The following AP3B1 variants were observed in gnomAD, a reference collection of about 807,000 sequenced individuals.
AP3B1 encodes adaptor related protein complex 3 subunit beta 1.
In AP3B1, 61 loss-of-function variants were observed where a neutral mutation model predicts 132.5. The observed-to-expected ratio is 0.46, with a 90% CI of 0.37 to 0.57. The LOEUF (loss-of-function observed/expected upper bound fraction) is 0.57. Ranked by LOEUF, AP3B1 falls within the 20% of genes least tolerant of loss-of-function variation. AP3B1 has a pLI of 0.00. For missense variants in AP3B1, 1,120 were observed against 1,289.4 expected, an observed-to-expected ratio of 0.87 and a Z score of 2.01; for synonymous variants, 388 against 438.3, an observed-to-expected ratio of 0.89 and a Z score of 1.43.
chr5:78,007,667 G>C (rs1166880928), intron 26 of AP3B1, among the ~76,000 whole-genome samples: 4 of 152,164 alleles, frequency 2.6e-5, no homozygotes, highest in African/African-American at 9.7e-5. Flanking sequence ...GTGATTTGGA[G>C]CGCTATCTGC....
intron 22 of AP3B1, among the ~76,000 whole-genome samples, chr5:78,066,542 C>G (rs1251932579): frequency 2.0e-5 from 3 of 152,144 alleles, no homozygotes; most frequent in Non-Finnish European, 4.4e-5. Flanking sequence ...AATAGCCAAA[C>G]AGACCAACCG....
At chr5:78,014,576 GTC>G (rs1320237017) in intron 26 of AP3B1, among the ~76,000 whole-genome samples, 2 of 152,036 alleles carry the variant, frequency 1.3e-5, no homozygotes, top group Non-Finnish European at 2.9e-5. Context: ...GTTTTTTAAG[GTC>G]TGCAGGCCTT....
In AP3B1 at chr5:78,293,582, C is replaced by A. The variant is rs574422133; in HGVS notation, c.128+870G>T. On this transcript the variant is annotated intron_variant, in intron 1 of 26. Coordinates refer to ENST00000255194, the MANE Select transcript of AP3B1 (RefSeq NM_003664.5). ...CAGATCTGCAAAGCTACTAGCACAGCTATTCTACCTTAATTTAGCATGAAT... is the reference window on the plus strand; with the variant it reads ...CAGATCTGCAAAGCTACTAGCACAGATATTCTACCTTAATTTAGCATGAAT... Among the ~76,000 whole-genome samples the A allele has an allele frequency of 3.3e-5, 5 of 152,306 alleles. No individual in the cohort carries two copies. The South Asian group carries it at 1.0e-3, about 32-fold the overall frequency.
At chr5:78,043,914 G>T in intron 22 of AP3B1, 1 of 353,602 alleles carries the variant, frequency 2.8e-6, no homozygotes, top group East Asian at 7.3e-5. Context: ...ATGGGTTGGG[G>T]ATGATGTTAA....
intron 22 of AP3B1, among the ~76,000 whole-genome samples, chr5:78,080,351 T>C (rs1749938852): frequency 6.6e-6 from 1 of 152,210 alleles, no homozygotes; most frequent in Admixed American, 6.5e-5. Context: ...GTCTAACAGG[T>C]ATTTCCAGTT....
chr5:78,049,503 G>A (rs1748489424), intron 22 of AP3B1, among the ~76,000 whole-genome samples: 2 of 152,186 alleles, frequency 1.3e-5, no homozygotes, highest in South Asian at 4.1e-4. Flanking sequence ...TGGGAAAACA[G>A]AGTAAATCAA....
At chr5:78,252,809 C>T (rs1295571398) in intron 2 of AP3B1, among the ~76,000 whole-genome samples, 1 of 152,222 alleles carries the variant, frequency 6.6e-6, no homozygotes, top group Admixed American at 6.5e-5. Context: ...GAGCTCGCCA[C>T]CCTTAAGGGA....
At chr5:78,089,767 C>T (rs1221289514) in intron 21 of AP3B1, among the ~76,000 whole-genome samples, 1 of 152,018 alleles carries the variant, frequency 6.6e-6, no homozygotes, top group Admixed American at 6.6e-5. Flanking sequence ...TATCACATAA[C>T]ATTATCACTA....
At chr5:78,016,588 C>T (rs994048828) in intron 25 of AP3B1, among the ~76,000 whole-genome samples, 2 of 151,836 alleles carry the variant, frequency 1.3e-5, no homozygotes, top group Admixed American at 6.6e-5. Flanking sequence ...GACTCTGCAC[C>T]GTCTGGCATA....
At chr5:78,037,367 A>G (rs1249725715) in intron 23 of AP3B1, among the ~76,000 whole-genome samples, 4 of 152,150 alleles carry the variant, frequency 2.6e-5, no homozygotes, top group African/African-American at 9.7e-5. Flanking sequence ...TTCCTTGGCA[A>G]TATATTAATG....
intron 2 of AP3B1, among the ~76,000 whole-genome samples, chr5:78,256,540 T>C (rs1277984374): frequency 2.0e-5 from 3 of 151,890 alleles, no homozygotes; most frequent in Non-Finnish European, 4.4e-5. Flanking sequence ...AGTCTCCCAC[T>C]GAAGAAAAGC....
Position 78,058,918 on chromosome 5 carries a change from T to C in AP3B1, c.2578-19644A>G, listed in dbSNP as rs1305776168. On this transcript the variant is annotated intron_variant, in intron 22 of 26. Coordinates refer to ENST00000255194, the MANE Select transcript of AP3B1 (RefSeq NM_003664.5). ...AATTTGATAGGGTTGGGGTGAGACATGAGTATCTGAGTCACCTCCTTCTTC... is the reference window on the plus strand; with the variant it reads ...AATTTGATAGGGTTGGGGTGAGACACGAGTATCTGAGTCACCTCCTTCTTC... 2.0e-5 allele frequency among the ~76,000 whole-genome samples: 3 copies of C among 152,168 alleles called. No individual in the cohort carries two copies. In the East Asian group the frequency reaches 5.8e-4, roughly 29 times the overall value.
chr5:78,102,107 C>G (rs1412865336), intron 20 of AP3B1, among the ~76,000 whole-genome samples: 3 of 151,992 alleles, frequency 2.0e-5, no homozygotes, highest in Non-Finnish European at 4.4e-5. Flanking sequence ...AAGTCTATAG[C>G]TTATTGCTAA....
In AP3B1 at chr5:78,110,263, C is replaced by G. The variant is rs532221135; in HGVS notation, c.2341G>C (p.Asp781His). The change falls in exon 20 of 27, where the codon GAT becomes CAT. Residue 781 changes from aspartate to histidine, a missense_variant. Asp to His is a moderately conservative substitution (Grantham distance 81, BLOSUM62 -1). Coordinates refer to ENST00000255194, the MANE Select transcript of AP3B1 (RefSeq NM_003664.5). ...TCAGGTTCTGACTCTGATTCAGAATCGGAAGAACTGTCTTCTATTGAACTA... is the reference window on the plus strand; with the variant it reads ...TCAGGTTCTGACTCTGATTCAGAATGGGAAGAACTGTCTTCTATTGAACTA... ...ESSSIEDSSS[D>H]SESESEPESE... The G allele has an allele frequency of 3.1e-6, 5 of 1,608,744 alleles. No homozygotes were observed. The highest frequency in any genetic ancestry group is 4.2e-6 in the Non-Finnish European group (5 of 1,176,814).
At chr5:78,086,364 G>A (rs1750251230) in intron 22 of AP3B1, among the ~76,000 whole-genome samples, 1 of 152,180 alleles carries the variant, frequency 6.6e-6, no homozygotes, top group Non-Finnish European at 1.5e-5. Flanking sequence ...ATCAGGTACT[G>A]TCATAAACAT....
chr5:78,098,007 G>A (rs1485723852), intron 21 of AP3B1, among the ~76,000 whole-genome samples: 1 of 152,074 alleles, frequency 6.6e-6, no homozygotes, highest in Non-Finnish European at 1.5e-5. Context: ...TCTGAAACAT[G>A]TGCTGTGTCC....
intron 7 of AP3B1, 90 bp from the exon 8 acceptor site, chr5:78,181,752 TATA>T: frequency 8.9e-7 from 1 of 1,122,346 alleles, no homozygotes; most frequent in Non-Finnish European, 1.3e-6. Flanking sequence ...TTTAAACATC[TATA>T]ACAACATTTT....
In AP3B1 at chr5:78,156,212, A is replaced by T. The variant is rs1267659322; in HGVS notation, c.1473+46T>A. On this transcript the variant is annotated intron_variant, in intron 14 of 26. Coordinates refer to ENST00000255194, the MANE Select transcript of AP3B1 (RefSeq NM_003664.5). ...TGACCATTTATTTTAACAAAATTAC[A>T]ACTTACTGAATAAAATTCAGCAAAC... 2.2e-6 allele frequency: 3 copies of T among 1,376,122 alleles called. No homozygotes were observed. The Admixed American group carries it at 5.0e-5, about 23-fold the overall frequency. The allele number at this position is 1,376,122 out of a possible 1,614,324, so 85.2% of individuals were successfully genotyped here.
intron 8 of AP3B1, among the ~76,000 whole-genome samples, chr5:78,178,346 G>T (rs1274401681): frequency 1.3e-5 from 2 of 152,156 alleles, no homozygotes; most frequent in African/African-American, 4.8e-5. Context: ...TCAAAGACTG[G>T]GCACAGTGGC....
Sources: allele counts gnomAD v4.1 joint callset (sites outside exome capture counted in the v4.1 genomes callset), GRCh38; gene constraint gnomAD v4.1.1; transcripts MANE v1.5; gene names NCBI Gene and HGNC (gene_info 2026-07-23, HGNC 2026-07-21).